Variants in CALCR observed in about 807,000 individuals in gnomAD.
CALCR encodes calcitonin receptor.
In CALCR, 47 loss-of-function variants were observed where a neutral mutation model predicts 59.5. The ratio of observed to expected loss-of-function variants is 0.79; its 90% confidence interval spans 0.63 to 1.01. CALCR has a LOEUF of 1.01. CALCR is among the 50% of genes least tolerant of loss of function. The probability of loss-of-function intolerance (pLI) is 0.00; values close to 1 mark genes in which losing one functional copy is unlikely to be tolerated. For missense variants in CALCR, 566 were observed against 597.1 expected (o/e 0.95, Z 0.54); for synonymous variants, 213 against 211.3 (o/e 1.01, Z -0.07).
intron 2 of CALCR, among the ~76,000 whole-genome samples, chr7:93,520,826 A>G (rs1801746586): frequency 6.6e-6 from 1 of 152,136 alleles, no homozygotes; most frequent in Non-Finnish European, 1.5e-5. Flanking sequence ...TTTGAGTTCT[A>G]TTGAATTTAA....
rs527393134 is a variant in CALCR at position 93,521,082 on chromosome 7, C to T, written c.-26-34075G>A. Among the ~76,000 whole-genome samples, 9 of 152,260 alleles carry T rather than the reference C, an allele frequency of 5.9e-5. No individual in the cohort carries two copies. In the South Asian group the frequency reaches 1.9e-3, roughly 32 times the overall value. On this transcript the variant is annotated intron_variant, in intron 2 of 13. Coordinates refer to ENST00000426151, the MANE Select transcript of CALCR (RefSeq NM_001742.4). ...TCACAGCCAGTGAAAGGTCCAAACC[C>T]TTCCCCTGGTACATCTAATGTTATT... is the stretch of plus-strand genomic sequence containing the variant.
intron 2 of CALCR, among the ~76,000 whole-genome samples, chr7:93,549,840 A>G (rs1200042159): frequency 6.6e-6 from 1 of 152,224 alleles, no homozygotes; most frequent in Non-Finnish European, 1.5e-5. Context: ...AAGAGATGCT[A>G]TCCAGGAGCT....
At chr7:93,480,177 A>G (rs1173599573) in intron 3 of CALCR, among the ~76,000 whole-genome samples, 1 of 151,888 alleles carries the variant, frequency 6.6e-6, no homozygotes, top group Non-Finnish European at 1.5e-5. Context: ...GATTGACAAT[A>G]GTTTTTTTCA....
chr7:93,451,677 G>A (rs1715058287), intron 8 of CALCR, among the ~76,000 whole-genome samples: 1 of 151,980 alleles, frequency 6.6e-6, no homozygotes. Context: ...GAAATAATTT[G>A]AGACTCTGAT....
intron 2 of CALCR, among the ~76,000 whole-genome samples, chr7:93,492,053 A>G (rs1228744576): frequency 1.3e-5 from 2 of 151,976 alleles, no homozygotes; most frequent in African/African-American, 2.4e-5. Context: ...CATATACACA[A>G]TGGAATACTA....
At chr7:93,562,843 T>C (rs1011402967) in intron 2 of CALCR, among the ~76,000 whole-genome samples, 1 of 152,210 alleles carries the variant, frequency 6.6e-6, no homozygotes, top group African/African-American at 2.4e-5. Flanking sequence ...TTGAGATCAA[T>C]ATTCTTTCTT....
intron 2 of CALCR, among the ~76,000 whole-genome samples, chr7:93,521,335 C>T (rs966673571): frequency 5.3e-5 from 8 of 152,202 alleles, no homozygotes; most frequent in African/African-American, 1.7e-4. Context: ...AGCAGTTGGC[C>T]ACCTCTTCTA....
At chr7:93,572,248 G>A (rs62465466) in intron 2 of CALCR, among the ~76,000 whole-genome samples, 11,746 of 151,586 alleles carry the variant, frequency 0.077, 534 homozygotes, top group African/African-American at 0.085. Flanking sequence ...AAAACTATTT[G>A]ACCAGCGATA....
intron 8 of CALCR, among the ~76,000 whole-genome samples, chr7:93,452,786 C>A (rs1014867810): frequency 1.3e-5 from 2 of 151,658 alleles, no homozygotes; most frequent in Non-Finnish European, 2.9e-5. Context: ...GAAGACAATA[C>A]CAGGGCAAAC....
At chr7:93,512,853 T>A (rs1011347784) in intron 2 of CALCR, among the ~76,000 whole-genome samples, 5 of 152,152 alleles carry the variant, frequency 3.3e-5, no homozygotes, top group African/African-American at 1.2e-4. Context: ...ACTCATAAAA[T>A]TTTTTCCTTG....
At chr7:93,429,623 A>G (rs1562923780) in intron 13 of CALCR, among the ~76,000 whole-genome samples, 1 of 152,192 alleles carries the variant, frequency 6.6e-6, no homozygotes, top group Non-Finnish European at 1.5e-5. Context: ...ACAAAACAAA[A>G]TAAGTTTAGA....
intron 8 of CALCR, among the ~76,000 whole-genome samples, chr7:93,457,665 G>A (rs908064933): frequency 2.0e-5 from 3 of 152,108 alleles, no homozygotes; most frequent in Non-Finnish European, 2.9e-5. Flanking sequence ...ACTCTTAATG[G>A]GAAATGGAGA....
At chr7:93,568,958 C>T (rs922627957) in intron 2 of CALCR, among the ~76,000 whole-genome samples, 1 of 152,144 alleles carries the variant, frequency 6.6e-6, no homozygotes, top group Non-Finnish European at 1.5e-5. Context: ...AATGACATCA[C>T]ATCTCTCTTA....
chr7:93,542,502 A>C (rs539807125), intron 2 of CALCR, among the ~76,000 whole-genome samples: 2 of 152,328 alleles, frequency 1.3e-5, no homozygotes, highest in African/African-American at 4.8e-5. Context: ...CTAGGACATT[A>C]CTGTACACTA....
intron 8 of CALCR, among the ~76,000 whole-genome samples, chr7:93,449,928 C>A (rs561926426): frequency 6.6e-6 from 1 of 152,002 alleles, no homozygotes; most frequent in Admixed American, 6.6e-5. Flanking sequence ...TGTCATTTAT[C>A]CCCTGCAGTC....
intron 3 of CALCR, among the ~76,000 whole-genome samples, chr7:93,486,439 T>TAGTC (rs1800946339): frequency 6.6e-6 from 1 of 151,536 alleles, no homozygotes. Flanking sequence ...GAAGTTTCCA[T>TAGTC]AGTCAGTTTT....
intron 13 of CALCR, among the ~76,000 whole-genome samples, chr7:93,430,404 A>G (rs1799634164): frequency 6.6e-6 from 1 of 152,190 alleles, no homozygotes. Flanking sequence ...ATCTTACAAA[A>G]TTTATATGCT....
chr7:93,496,596 G>A (rs777959055), intron 2 of CALCR, among the ~76,000 whole-genome samples: 10 of 151,380 alleles, frequency 6.6e-5, no homozygotes, highest in Admixed American at 6.6e-5. Flanking sequence ...TACTATAATG[G>A]GCATCTCACA....
At chr7:93,567,138 A>G (rs1789881468) in intron 2 of CALCR, among the ~76,000 whole-genome samples, 1 of 152,210 alleles carries the variant, frequency 6.6e-6, no homozygotes, top group South Asian at 2.1e-4. Flanking sequence ...TCACTAAAGA[A>G]AACCAACTCA....
Sources: gnomAD v4.1 joint callset for allele counts (sites outside exome capture counted in the v4.1 genomes callset) on GRCh38, gnomAD v4.1.1 for gene constraint, MANE v1.5 for transcripts, NCBI Gene and HGNC (gene_info 2026-07-23, HGNC 2026-07-21) for gene names.